The following KIF23 variants were observed in gnomAD, a reference collection of about 807,000 sequenced individuals.
KIF23 encodes the protein kinesin family member 23.
KIF23 carries 30 observed loss-of-function variants against 137.5 expected under a neutral mutation model. That is an observed-to-expected ratio of 0.22 (90% CI 0.16 to 0.30). The LOEUF (loss-of-function observed/expected upper bound fraction) is 0.30. Ranked by LOEUF, KIF23 falls within the 10% of genes least tolerant of loss-of-function variation. The pLI, the probability that KIF23 is intolerant of heterozygous loss-of-function variation, is 1.00. For synonymous variants in KIF23, 367 were observed against 391.1 expected (o/e 0.94, Z 0.73); for missense variants, 920 against 1,194.3 (o/e 0.77, Z 3.38).
chr15:69,439,770 T>TA, intron 16 of KIF23, 134 bp from the exon 17 acceptor site: 1 of 536,160 alleles, frequency 1.9e-6, no homozygotes, highest in Non-Finnish European at 3.1e-6. Context: ...GATGAAATGT[T>TA]AGAGAAAAAA....
At chr15:69,446,682 T>C (rs1324104465) in intron 22 of KIF23, 189 bp from the exon 23 acceptor site, 5 of 658,222 alleles carry the variant, frequency 7.6e-6, no homozygotes, top group Non-Finnish European at 1.3e-5. Context: ...CCTAAAGACC[T>C]TTCTGGCTCA....
Position 69,434,620 on chromosome 15 carries a change from G to A in KIF23, c.1115-863G>A, listed in dbSNP as rs775980560. On this transcript the variant is annotated intron_variant, in intron 11 of 23. Transcript: ENST00000679126. ...AGGTCATGATCTTAGAAACATAGTT[G>A]ATGATGTAGGGGATGGAAAAAGTCA... 4.0e-4 allele frequency: 546 copies of A among 1,381,800 alleles called. 2 individuals are homozygous for A. The highest frequency in any genetic ancestry group is 2.2e-3 in the Admixed American group (129 of 58,932). 85.6% of individuals were successfully genotyped at this position (1,381,800 alleles called of 1,614,324 possible). A position where few individuals can be genotyped will look rare whatever the true frequency, so the allele number is the denominator to read the frequency against.
At chr15:69,446,615 C>T in intron 22 of KIF23, 1 of 615,716 alleles carries the variant, frequency 1.6e-6, no homozygotes, top group Non-Finnish European at 2.9e-6. Flanking sequence ...AAGCTATGGC[C>T]TTAGCCACCA....
At chr15:69,445,305 C>A (rs1386220538) in intron 20 of KIF23, among the ~76,000 whole-genome samples, 1 of 152,088 alleles carries the variant, frequency 6.6e-6, no homozygotes, top group East Asian at 1.9e-4. Context: ...TTTTTAATGA[C>A]TGTATATTTA....
At position 69,417,390 on chromosome 15, in the gene KIF23, G is replaced by T; in HGVS notation, c.89G>T (p.Cys30Phe). The T allele has an allele frequency of 1.9e-6, 3 of 1,608,334 alleles. No individual in the cohort carries two copies. Among genetic ancestry groups the T allele is most frequent in the Non-Finnish European group, 2.5e-6 (3 of 1,177,656 alleles). The change falls in exon 3 of 24, where the codon TGT (cysteine) becomes TTT (phenylalanine). Residue 30 changes from cysteine to phenylalanine, a missense_variant. Coordinates refer to ENST00000679126, the MANE Select transcript of KIF23 (RefSeq NM_001367805.3). ...TNLKDPVGVY[C>F]RVRPLGFPDQ... ...ACCTTCCTATTTCTTCAGGTATACT[G>T]TAGGGTGCGCCCACTGGGCTTTCCT...
In KIF23 at chr15:69,414,356, A is replaced by G. The variant is rs1422899441; in HGVS notation, c.-110A>G. On this transcript the variant is annotated 5_prime_UTR_variant, in exon 1 of 24. Transcript: ENST00000679126. Reference sequence around the variant, plus strand: ...AGCGTCGCCGCCGGCTTCGCAGAGCACCGCGCCTTAGCCGCGAAGTTCTAG... The same window carrying G: ...AGCGTCGCCGCCGGCTTCGCAGAGCGCCGCGCCTTAGCCGCGAAGTTCTAG... 2.7e-6 allele frequency: 4 copies of G among 1,467,994 alleles called. No homozygotes were observed. Among genetic ancestry groups the G allele is most frequent in the East Asian group, 2.6e-5 (1 of 38,382 alleles). 90.9% of individuals were successfully genotyped at this position (1,467,994 alleles called of 1,614,324 possible).
At chr15:69,434,621 A>G (rs753760109) in intron 11 of KIF23, 12 of 1,391,732 alleles carry the variant, frequency 8.6e-6, no homozygotes, top group Non-Finnish European at 1.0e-5. Context: ...AACATAGTTG[A>G]TGATGTAGGG....
intron 19 of KIF23, among the ~76,000 whole-genome samples, chr15:69,442,747 A>AT (rs1286602856): frequency 7.2e-5 from 11 of 152,200 alleles, no homozygotes; most frequent in African/African-American, 2.7e-4. Context: ...CCGTAATGAG[A>AT]TATCTAATTT....
At chr15:69,417,078 T>C (rs2056933978) in intron 2 of KIF23, among the ~76,000 whole-genome samples, 1 of 152,232 alleles carries the variant, frequency 6.6e-6, no homozygotes, top group Admixed American at 6.5e-5. Context: ...TGTTGTTGAC[T>C]TTTAGAGATA....
rs775119915 is a variant in KIF23 at position 69,440,758 on chromosome 15, A to T, written c.2110-10A>T. 3 of 1,575,054 alleles carry T rather than the reference A, an allele frequency of 1.9e-6. No individual in the cohort carries two copies. The highest frequency in any genetic ancestry group is 2.3e-5 in the South Asian group (2 of 86,518). ...AGTCTTGCTCATTAATTTTTCTCCA[A>T]TTTTTCTAGCTTTCTAGTAACTATA... On this transcript the variant is annotated splice_polypyrimidine_tract_variant and intron_variant, in intron 18 of 23. Transcript: ENST00000679126.
rs759354494 is a variant in KIF23, at chr15:69,422,054, G to T, written c.379G>T (p.Gly127Trp). The T allele has an allele frequency of 6.2e-7, 1 of 1,614,102 alleles. No individual in the cohort carries two copies. The highest frequency in any genetic ancestry group is 8.5e-7 in the Non-Finnish European group (1 of 1,179,984). Reference protein sequence around the residue: ...GKTHTMTGSPGEGGLLPRCLD... With the variant: ...GKTHTMTGSPWEGGLLPRCLD... Reference sequence around the variant, plus strand: ...AACTCACACAATGACTGGTTCTCCAGGGGAAGGAGGGCTGCTTCCTCGTTG... The same window carrying T: ...AACTCACACAATGACTGGTTCTCCATGGGAAGGAGGGCTGCTTCCTCGTTG... Residue 127 changes from glycine (G) to tryptophan (W), a missense_variant, in exon 5 of 24, where the codon GGG (glycine) becomes TGG (tryptophan). This residue lies in a region of KIF23 where 714 missense variants were observed against 866.2 expected (regional missense o/e 0.82). Coordinates refer to ENST00000679126, the MANE Select transcript of KIF23 (RefSeq NM_001367805.3).
At position 69,440,814 on chromosome 15, in the gene KIF23, T is replaced by C; in HGVS notation, c.2156T>C (p.Met719Thr). The C allele has an allele frequency of 5.6e-6, 9 of 1,613,186 alleles. No individual in the cohort carries two copies. Among genetic ancestry groups the C allele is most frequent in the Non-Finnish European group, 7.6e-6 (9 of 1,179,990 alleles). The change falls in exon 19 of 24, where the codon ATG (methionine) becomes ACG (threonine). Residue 719 changes from methionine to threonine, a missense_variant. Around this residue, in one of 4 missense-constraint regions of KIF23, gnomAD observed 714 missense variants for 866.2 expected, o/e 0.82. Transcript: ENST00000679126. ...CAGATTTCCAACGGCCAGCAACTCA[T>C]GAGCCAGCCACAGCTACATAGGCGC... The part of the protein sequence containing the change: ...IAQISNGQQL[M>T]SQPQLHRRSN...
At chr15:69,435,365 G>A in intron 11 of KIF23, 118 bp from the exon 12 acceptor site, 2 of 755,360 alleles carry the variant, frequency 2.6e-6, no homozygotes, top group Non-Finnish European at 4.2e-6. Flanking sequence ...ACAAAAATTT[G>A]TTATTTATAA....
chr15:69,435,426 C>A (rs2057453226), intron 11 of KIF23, 57 bp from the exon 12 acceptor site: 1 of 1,334,780 alleles, frequency 7.5e-7, no homozygotes, highest in Admixed American at 2.0e-5. Flanking sequence ...AAACAGAACA[C>A]ACTTTAGCTA....
At chr15:69,423,133 A>G in intron 6 of KIF23, 26 bp from the exon 7 acceptor site, 1 of 1,429,422 alleles carries the variant, frequency 7.0e-7, no homozygotes, top group South Asian at 1.2e-5. Context: ...CTTATAACGT[A>G]TACAATTGAA....
At chr15:69,416,389 C>T (rs900052346) in intron 2 of KIF23, among the ~76,000 whole-genome samples, 1 of 152,120 alleles carries the variant, frequency 6.6e-6, no homozygotes, top group Non-Finnish European at 1.5e-5. Context: ...GAGTTCATGC[C>T]ATACAGTAAC....
At position 69,435,544 on chromosome 15, in the gene KIF23, A is replaced by G. The variant is rs374614345; in HGVS notation, c.1176A>G (p.Gln392=). 3.0e-5 allele frequency: 48 copies of G among 1,614,028 alleles called. No individual in the cohort carries two copies. In the African/African-American group the frequency reaches 6.3e-4, roughly 21 times the overall value. ...GTATGGATGTCCTAAGAGAGAACCA[A>G]ATGTATGGAACTAACAAGGTAAGCA... is the stretch of plus-strand genomic sequence containing the variant. ...RTCMDVLREN[Q]MYGTNKMVPY... is the part of the protein sequence containing the mutation. The change falls in exon 12 of 24, where the codon CAA becomes CAG. Residue 392 remains glutamine (Q), a synonymous_variant. Coordinates refer to ENST00000679126, the MANE Select transcript of KIF23 (RefSeq NM_001367805.3).
intron 20 of KIF23, among the ~76,000 whole-genome samples, chr15:69,445,550 C>CAAAAAAAAAAA (rs111742083): frequency 6.9e-6 from 1 of 144,184 alleles, no homozygotes; most frequent in African/African-American, 2.5e-5. Flanking sequence ...AAGATAAGAC[C>CAAAAAAAAAAA]AAAAAAAAAA....
rs1372245085 is a variant in KIF23, at chr15:69,439,890, G to T, written c.1756-14G>T. On this transcript the variant is annotated splice_polypyrimidine_tract_variant and intron_variant, in intron 16 of 23. Transcript: ENST00000679126. ...TATATACCAAATATTGAACATAGTG[G>T]TCTACCTTCCTAGATTGAGATTTTA... 1 of 1,594,882 alleles carries T rather than the reference G, an allele frequency of 6.3e-7. No homozygotes were observed. Among genetic ancestry groups the T allele is most frequent in the Non-Finnish European group, 8.6e-7 (1 of 1,167,480 alleles).
Sources: allele counts gnomAD v4.1 joint callset (sites outside exome capture counted in the v4.1 genomes callset), GRCh38; gene constraint gnomAD v4.1.1; regional missense constraint gnomAD v4.1.1; transcripts MANE v1.5; gene names NCBI Gene and HGNC (gene_info 2026-07-23, HGNC 2026-07-21).